Variants in KHDRBS2 observed in about 807,000 individuals in gnomAD.
KHDRBS2 encodes the protein KH RNA binding domain containing, signal transduction associated 2.
In KHDRBS2, 26 loss-of-function variants were observed where a neutral mutation model predicts 44.3. That is an observed-to-expected ratio of 0.59 (90% CI 0.43 to 0.81). KHDRBS2 has a LOEUF of 0.81. Ranked by LOEUF, KHDRBS2 falls within the 40% of genes least tolerant of loss-of-function variation. KHDRBS2 has a pLI of 0.00. For synonymous variants in KHDRBS2, 194 were observed against 151.1 expected, an observed-to-expected ratio of 1.28 and a Z score of -2.08; for missense variants, 476 against 433.1, an observed-to-expected ratio of 1.10 and a Z score of -0.88.
Position 62,241,212 on chromosome 6 carries a change from T to C in KHDRBS2, c.91+44646A>G, listed in dbSNP as rs1476911286. 2.0e-5 allele frequency among the ~76,000 whole-genome samples: 3 copies of C among 152,170 alleles called. No individual in the cohort carries two copies. The East Asian group carries it at 5.8e-4, about 29-fold the overall frequency. ...ATCTTAAGCTTTATTAGCTCCTTAG[T>C]ATATTTGTGGTAACTTAATGAGGAA... On this transcript the variant is annotated intron_variant, in intron 1 of 8. Transcript: ENST00000281156.
intron 6 of KHDRBS2, among the ~76,000 whole-genome samples, chr6:61,872,645 C>A (rs1242115674): frequency 1.3e-5 from 2 of 152,018 alleles, no homozygotes; most frequent in African/African-American, 4.8e-5. Flanking sequence ...ATGAACAAGA[C>A]AAATAACTCG....
chr6:62,250,326 G>C (rs115962982), intron 1 of KHDRBS2, among the ~76,000 whole-genome samples: 2 of 151,982 alleles, frequency 1.3e-5, no homozygotes, highest in African/African-American at 2.4e-5. Flanking sequence ...TACACAACTC[G>C]CTTTGACTGA....
chr6:61,999,642 A>C (rs1777851951), intron 3 of KHDRBS2, among the ~76,000 whole-genome samples: 1 of 152,094 alleles, frequency 6.6e-6, no homozygotes, highest in African/African-American at 2.4e-5. Flanking sequence ...AATTTGCATA[A>C]ATTTCACTCT....
At chr6:61,834,147 T>C (rs1298903815) in intron 6 of KHDRBS2, among the ~76,000 whole-genome samples, 1 of 152,056 alleles carries the variant, frequency 6.6e-6, no homozygotes, top group African/African-American at 2.4e-5. Flanking sequence ...CTTTAAATCA[T>C]ACATATTATT....
chr6:61,782,713 A>G (rs1174872753), intron 6 of KHDRBS2, among the ~76,000 whole-genome samples: 4,567 of 128,882 alleles, frequency 0.035, 381 homozygotes, highest in African/African-American at 0.14. Context: ...ATATATATAT[A>G]TATATATATA....
At chr6:61,820,737 A>T (rs928303667) in intron 6 of KHDRBS2, among the ~76,000 whole-genome samples, 3 of 152,018 alleles carry the variant, frequency 2.0e-5, no homozygotes, top group African/African-American at 7.2e-5. Context: ...ATTTATGCAG[A>T]AGGGATCTCA....
rs552331051 is a variant in KHDRBS2, at chr6:61,770,556, C to T, written c.811-37792G>A. Among the ~76,000 whole-genome samples the T allele has an allele frequency of 1.4e-3, 218 of 152,078 alleles. 2 individuals are homozygous for T. The highest frequency in any genetic ancestry group is 3.5e-3 in the African/African-American group (144 of 41,490). On this transcript the variant is annotated intron_variant, in intron 6 of 8. Transcript: ENST00000281156. The stretch of plus-strand genomic sequence containing the variant: ...TGACGAATGCAGAAGCCTCAGTAGA[C>T]GATGCGATCAACTGGAAGAAAGGGT...
At chr6:61,946,158 C>A (rs1813339667) in intron 4 of KHDRBS2, among the ~76,000 whole-genome samples, 1 of 152,148 alleles carries the variant, frequency 6.6e-6, no homozygotes, top group Non-Finnish European at 1.5e-5. Context: ...ATAATCAATG[C>A]CCTCCTCTAC....
the KHDRBS2 span, among the ~76,000 whole-genome samples, chr6:61,641,603 T>C: frequency 6.6e-6 from 1 of 152,314 alleles, no homozygotes; most frequent in East Asian, 1.9e-4. Context: ...GCTTTTCATG[T>C]GTATCTTTCT....
intron 4 of KHDRBS2, among the ~76,000 whole-genome samples, chr6:61,972,346 G>A (rs1039716164): frequency 6.6e-6 from 1 of 152,044 alleles, no homozygotes; most frequent in African/African-American, 2.4e-5. Flanking sequence ...CAACTTATCA[G>A]ATAAGAAGAA....
intron 1 of KHDRBS2, among the ~76,000 whole-genome samples, chr6:62,223,777 C>G (rs1323486577): frequency 6.6e-6 from 1 of 152,148 alleles, no homozygotes; most frequent in Non-Finnish European, 1.5e-5. Flanking sequence ...TTGCTAAAAC[C>G]TGAGAAGAGT....
the KHDRBS2 span, among the ~76,000 whole-genome samples, chr6:61,583,740 C>T: frequency 6.6e-6 from 1 of 151,538 alleles, no homozygotes; most frequent in South Asian, 2.1e-4. Flanking sequence ...TTTTAAATTT[C>T]TAGAAATAAT....
chr6:61,716,010 T>G (rs1453227851), intron 7 of KHDRBS2, among the ~76,000 whole-genome samples: 1 of 151,458 alleles, frequency 6.6e-6, no homozygotes, highest in African/African-American at 2.4e-5. Context: ...CGAACCATGC[T>G]GTCACCCACT....
intron 4 of KHDRBS2, among the ~76,000 whole-genome samples, chr6:61,955,270 G>C (rs1766487295): frequency 7.8e-6 from 1 of 129,012 alleles, no homozygotes; most frequent in South Asian, 2.5e-4. Context: ...ATACATATAC[G>C]TGTAAATATA....
rs149270795 is a variant in KHDRBS2 at position 61,757,611 on chromosome 6, C to T, written c.811-24847G>A. Reference sequence around the variant, plus strand: ...TGACAATGGTTTAAAACTATCATCTCGCTATTTGTTCCCAATTTGTCCCAT... The same window carrying T: ...TGACAATGGTTTAAAACTATCATCTTGCTATTTGTTCCCAATTTGTCCCAT... On this transcript the variant is annotated intron_variant, in intron 6 of 8. Coordinates refer to ENST00000281156, the MANE Select transcript of KHDRBS2 (RefSeq NM_152688.4). 6.6e-5 allele frequency among the ~76,000 whole-genome samples: 10 copies of T among 152,206 alleles called. No homozygotes were observed. The East Asian group carries it at 1.2e-3, about 18-fold the overall frequency.
chr6:61,567,963 T>A, the KHDRBS2 span, among the ~76,000 whole-genome samples: 1 of 152,152 alleles, frequency 6.6e-6, no homozygotes, highest in African/African-American at 2.4e-5. Context: ...CATCATTTTG[T>A]AGTTTCATGT....
At chr6:61,932,987 AC>A (rs1469662373) in intron 4 of KHDRBS2, among the ~76,000 whole-genome samples, 4 of 152,158 alleles carry the variant, frequency 2.6e-5, no homozygotes, top group African/African-American at 9.7e-5. Context: ...ATTGATAGAC[AC>A]TGTATTAATC....
At chr6:61,614,922 T>C in the KHDRBS2 span, among the ~76,000 whole-genome samples, 2 of 151,898 alleles carry the variant, frequency 1.3e-5, no homozygotes, top group South Asian at 2.1e-4. Flanking sequence ...ATTTCACATG[T>C]TCAATATCAA....
At chr6:62,075,687 G>A (rs1796190632) in intron 2 of KHDRBS2, among the ~76,000 whole-genome samples, 1 of 151,852 alleles carries the variant, frequency 6.6e-6, no homozygotes, top group Non-Finnish European at 1.5e-5. Context: ...AATTTTGATA[G>A]ATGAGTAACT....
Sources: gnomAD v4.1 joint callset for allele counts (sites outside exome capture counted in the v4.1 genomes callset) on GRCh38, gnomAD v4.1.1 for gene constraint, MANE v1.5 for transcripts, NCBI Gene and HGNC (gene_info 2026-07-23, HGNC 2026-07-21) for gene names.